The following ZNF131 variants were observed in gnomAD, a reference collection of about 807,000 sequenced individuals.
ZNF131 encodes the protein zinc finger and BTB domain containing 35.
In ZNF131, 7 loss-of-function variants were observed where a neutral mutation model predicts 60.0. The observed-to-expected ratio is 0.12, with a 90% confidence interval of 0.07 to 0.22. The LOEUF (loss-of-function observed/expected upper bound fraction) is 0.22, where lower values mean the gene tolerates loss of function less well. ZNF131 is among the 10% of genes least tolerant of loss of function. ZNF131 has a pLI of 1.00. For missense variants in ZNF131, 493 were observed against 740.9 expected, an observed-to-expected ratio of 0.67 and a Z score of 3.88; for synonymous variants, 257 against 253.2, an observed-to-expected ratio of 1.01 and a Z score of -0.14.
intron 4 of ZNF131, among the ~76,000 whole-genome samples, chr5:43,152,604 G>GTTTGT (rs1184792147): frequency 6.6e-6 from 1 of 151,938 alleles, no homozygotes; most frequent in African/African-American, 2.4e-5. Flanking sequence ...GACAAAGGTG[G>GTTTGT]TTTGTTTTGT....
At chr5:43,165,869 A>G (rs1451205225) in intron 5 of ZNF131, among the ~76,000 whole-genome samples, 1 of 152,238 alleles carries the variant, frequency 6.6e-6, no homozygotes, top group African/African-American at 2.4e-5. Context: ...TACATTGAAT[A>G]TCTGTTGTTG....
intron 5 of ZNF131, among the ~76,000 whole-genome samples, chr5:43,168,706 T>TG (rs1189281574): frequency 3.9e-5 from 6 of 152,130 alleles, no homozygotes; most frequent in African/African-American, 1.4e-4. Context: ...CAAGATAGAT[T>TG]GGAGTGGGTT....
intron 3 of ZNF131, among the ~76,000 whole-genome samples, chr5:43,134,019 C>T (rs1388816948): frequency 6.6e-6 from 1 of 152,000 alleles, no homozygotes; most frequent in Non-Finnish European, 1.5e-5. Flanking sequence ...GGAATATTTC[C>T]AAATTCATTA....
At chr5:43,154,069 T>G (rs1203613260) in intron 4 of ZNF131, among the ~76,000 whole-genome samples, 1 of 152,138 alleles carries the variant, frequency 6.6e-6, no homozygotes, top group Admixed American at 6.6e-5. Context: ...CACAGTAGTG[T>G]GTCCAGAACC....
chr5:43,137,445 G>GA (rs1377679337), intron 3 of ZNF131, among the ~76,000 whole-genome samples: 1 of 151,878 alleles, frequency 6.6e-6, no homozygotes, highest in African/African-American at 2.4e-5. Context: ...CTAAGAACTT[G>GA]AATAGACATT....
chr5:43,123,446 G>A, intron 3 of ZNF131, 136 bp downstream of exon 3: 1 of 621,132 alleles, frequency 1.6e-6, no homozygotes, highest in Non-Finnish European at 2.6e-6. Context: ...ATAGGAAATA[G>A]GCATCAGTAG....
chr5:43,125,599 G>A (rs1235653492), intron 3 of ZNF131, among the ~76,000 whole-genome samples: 1 of 151,918 alleles, frequency 6.6e-6, no homozygotes, highest in Non-Finnish European at 1.5e-5. Context: ...TGACCAACAT[G>A]GTGAAACCCT....
chr5:43,133,626 CATT>C (rs1214260717), intron 3 of ZNF131, among the ~76,000 whole-genome samples: 1 of 152,182 alleles, frequency 6.6e-6, no homozygotes. Flanking sequence ...CATGAATTGT[CATT>C]ATCAGAATGG....
intron 3 of ZNF131, 153 bp downstream of exon 3, chr5:43,123,463 T>G (rs907679536): frequency 1.9e-6 from 1 of 519,982 alleles, no homozygotes; most frequent in African/African-American, 2.0e-5. Context: ...GTAGTTCCTG[T>G]AGGTAAAGGT....
intron 4 of ZNF131, chr5:43,143,492 A>G: frequency 1.8e-6 from 2 of 1,108,474 alleles, no homozygotes; most frequent in South Asian, 3.2e-5. Context: ...TTCCTATCCC[A>G]CTGGAACTAG....
At chr5:43,129,019 C>T (rs928531644) in intron 3 of ZNF131, among the ~76,000 whole-genome samples, 3 of 152,194 alleles carry the variant, frequency 2.0e-5, no homozygotes, top group Admixed American at 6.5e-5. Context: ...CTGCAGTCTC[C>T]GCCTCCCGGG....
intron 4 of ZNF131, among the ~76,000 whole-genome samples, chr5:43,147,924 G>A (rs1747821461): frequency 6.6e-6 from 1 of 151,344 alleles, no homozygotes; most frequent in South Asian, 2.1e-4. Context: ...TGTGCTGGTG[G>A]GCACCTGTAA....
rs1160567803 is a variant in ZNF131 at position 43,175,659 on chromosome 5, G to T, written c.*526G>T. On this transcript the variant is annotated 3_prime_UTR_variant, in exon 7 of 7. Coordinates refer to ENST00000682664, the MANE Select transcript of ZNF131 (RefSeq NM_001330707.2). The stretch of plus-strand genomic sequence containing the variant: ...TGAACAAACGTTCTTGTCTACCCCA[G>T]TAGTCACAGATGCCATCTTTGCAAC... 2.4e-5 allele frequency: 9 copies of T among 381,366 alleles called. No homozygotes were observed. The highest frequency in any genetic ancestry group is 3.8e-5 in the South Asian group (1 of 26,300). The allele number at this position is 381,366 out of a possible 1,614,324, so 23.6% of individuals were successfully genotyped here.
chr5:43,155,374 CTAATTT>C, intron 4 of ZNF131, among the ~76,000 whole-genome samples: 1 of 152,248 alleles, frequency 6.6e-6, no homozygotes, highest in South Asian at 2.1e-4. Context: ...CAACAGCAAA[CTAATTT>C]TCTCAGATTT....
chr5:43,173,015 C>A, intron 5 of ZNF131: 1 of 191,862 alleles, frequency 5.2e-6, no homozygotes, highest in Non-Finnish European at 1.1e-5. Flanking sequence ...AGAGATTGAT[C>A]ATGATTTTTA....
chr5:43,134,564 CTT>C (rs1745781530), intron 3 of ZNF131, among the ~76,000 whole-genome samples: 1 of 152,068 alleles, frequency 6.6e-6, no homozygotes, highest in African/African-American at 2.4e-5. Flanking sequence ...GAATCAATCT[CTT>C]TTTGCAGATG....
intron 4 of ZNF131, among the ~76,000 whole-genome samples, chr5:43,152,129 G>A (rs1479945561): frequency 2.6e-5 from 4 of 151,774 alleles, no homozygotes; most frequent in Non-Finnish European, 5.9e-5. Flanking sequence ...CAGATTCCCC[G>A]GTAGCTGGGA....
At chr5:43,122,232 C>T (rs953053468) in intron 2 of ZNF131, 55 bp downstream of exon 2, 15 of 1,523,750 alleles carry the variant, frequency 9.8e-6, no homozygotes, top group Non-Finnish European at 1.3e-5. Flanking sequence ...TTTTTCTGTC[C>T]TTCGGACACC....
intron 4 of ZNF131, among the ~76,000 whole-genome samples, chr5:43,144,236 T>G (rs1177247975): frequency 1.3e-4 from 14 of 109,822 alleles, no homozygotes; most frequent in African/African-American, 5.0e-4. Flanking sequence ...TTTCTTTCTT[T>G]CTTTTTTTTT....
Sources: allele counts gnomAD v4.1 joint callset (sites outside exome capture counted in the v4.1 genomes callset), GRCh38; gene constraint gnomAD v4.1.1; transcripts MANE v1.5; gene names NCBI Gene and HGNC (gene_info 2026-07-23, HGNC 2026-07-21).